Variants in PARD3B observed in about 807,000 individuals in gnomAD.
PARD3B encodes the protein partitioning defective 3 homolog B.
In PARD3B, 103 loss-of-function variants were observed where a neutral mutation model predicts 130.2. That is an observed-to-expected ratio of 0.79 (90% CI 0.67 to 0.93). The LOEUF (loss-of-function observed/expected upper bound fraction) is 0.93. Ranked by LOEUF, PARD3B falls within the 40% of genes least tolerant of loss-of-function variation. PARD3B has a pLI of 0.00. For synonymous variants in PARD3B, 583 were observed against 553.2 expected, an observed-to-expected ratio of 1.05 and a Z score of -0.76; for missense variants, 1,609 against 1,499.2, an observed-to-expected ratio of 1.07 and a Z score of -1.21.
Position 205,568,340 on chromosome 2 carries a change from T to C in PARD3B, c.3260+14937T>C, listed in dbSNP as rs1359061299. Among the ~76,000 whole-genome samples the C allele has an allele frequency of 1.3e-5, 2 of 152,204 alleles. No homozygotes were observed. Among genetic ancestry groups the C allele is most frequent in the Non-Finnish European group, 2.9e-5 (2 of 68,034 alleles). ...TTGTACGGAACACAGTGAATGCCAA[T>C]AGCACCAACAGAGCAACCCAAGAGA... On this transcript the variant is annotated intron_variant, in intron 22 of 22. Transcript: ENST00000406610. The surrounding 1 kb of genome is among the most constrained non-coding windows in gnomAD (Gnocchi z 5.3).
intron 11 of PARD3B, among the ~76,000 whole-genome samples, chr2:205,163,280 G>A (rs1407293457): frequency 6.6e-6 from 1 of 152,138 alleles, no homozygotes; most frequent in Non-Finnish European, 1.5e-5. Context: ...TTGTTTAGGG[G>A]CTGCTAAATA....
rs1469594803 is a variant in PARD3B at position 205,321,536 on chromosome 2, A to G, written c.2630+19835A>G. Among the ~76,000 whole-genome samples the G allele has an allele frequency of 3.3e-5, 5 of 151,890 alleles. No individual in the cohort carries two copies. The highest frequency in any genetic ancestry group is 3.3e-4 in the Admixed American group (5 of 15,242). On this transcript the variant is annotated intron_variant, in intron 18 of 22. Transcript: ENST00000406610. The surrounding 1 kb of genome is among the most constrained non-coding windows in gnomAD (Gnocchi z 4.2). The stretch of plus-strand genomic sequence containing the variant: ...TGTATATGCACAAATGCAGGCATGC[A>G]TGCATTTTTCTCTTAATAACTTAAC...
chr2:205,356,885 T>G (rs1400957192), intron 18 of PARD3B, among the ~76,000 whole-genome samples: 2 of 95,844 alleles, frequency 2.1e-5, no homozygotes, highest in Non-Finnish European at 4.9e-5. Flanking sequence ...AGCAAGACTC[T>G]GTCTCAAAAA....
At chr2:205,210,087 C>G (rs2125846204) in intron 15 of PARD3B, among the ~76,000 whole-genome samples, 1 of 151,970 alleles carries the variant, frequency 6.6e-6, no homozygotes, top group East Asian at 1.9e-4. Flanking sequence ...AAAACAGGGC[C>G]AGTCATGGTG....
chr2:204,691,635 T>C (rs1336213658), intron 2 of PARD3B, among the ~76,000 whole-genome samples: 1 of 152,110 alleles, frequency 6.6e-6, no homozygotes, highest in African/African-American at 2.4e-5. Context: ...ATATAAAATT[T>C]TAAGTATAGT....
chr2:204,895,156 A>G (rs2046596149), intron 2 of PARD3B, among the ~76,000 whole-genome samples: 1 of 152,118 alleles, frequency 6.6e-6, no homozygotes, highest in African/African-American at 2.4e-5. Context: ...CTGTTTAAAA[A>G]TAGAACCTAC....
intron 21 of PARD3B, among the ~76,000 whole-genome samples, chr2:205,514,008 C>T (rs1051035746): frequency 1.6e-4 from 25 of 152,028 alleles, no homozygotes; most frequent in African/African-American, 6.0e-4. Flanking sequence ...TAAACAATTG[C>T]CCTTTGTAAT....
At position 204,623,095 on chromosome 2, in the gene PARD3B, A is replaced by T. The variant is rs1412469299; in HGVS notation, c.121-63086A>T. Among the ~76,000 whole-genome samples, 2 of 152,152 alleles carry T rather than the reference A, an allele frequency of 1.3e-5. No homozygotes were observed. The highest frequency in any genetic ancestry group is 4.8e-5 in the African/African-American group (2 of 41,464). On this transcript the variant is annotated intron_variant, in intron 1 of 22. Coordinates refer to ENST00000406610, the MANE Select transcript of PARD3B (RefSeq NM_001302769.2). The surrounding 1 kb of genome is among the most constrained non-coding windows in gnomAD (Gnocchi z 4.5). ...TTAGTGAGCATTCTTTTTGTGTAAT[A>T]GTAGTTTTTGGCTGTATCCTTAGCC...
At chr2:205,139,526 A>C (rs1301118862) in intron 10 of PARD3B, among the ~76,000 whole-genome samples, 2 of 152,204 alleles carry the variant, frequency 1.3e-5, no homozygotes, top group Non-Finnish European at 2.9e-5. Flanking sequence ...GTTGCAAATA[A>C]ATTATATAAA....
intron 3 of PARD3B, among the ~76,000 whole-genome samples, chr2:205,012,569 C>T (rs1301956612): frequency 6.6e-6 from 1 of 152,156 alleles, no homozygotes; most frequent in Non-Finnish European, 1.5e-5. Flanking sequence ...CAGTAGTATA[C>T]TGTCTAGGGA....
At chr2:204,760,093 A>T (rs1262355006) in intron 2 of PARD3B, among the ~76,000 whole-genome samples, 1 of 152,102 alleles carries the variant, frequency 6.6e-6, no homozygotes, top group Non-Finnish European at 1.5e-5. Flanking sequence ...GTAGCCAAAT[A>T]GTCTAACAGG....
intron 3 of PARD3B, among the ~76,000 whole-genome samples, chr2:205,029,657 C>A (rs1697288773): frequency 6.6e-6 from 1 of 152,118 alleles, no homozygotes; most frequent in Admixed American, 6.6e-5. Context: ...TTGTGTTATG[C>A]ATTAGTATGT....
intron 3 of PARD3B, among the ~76,000 whole-genome samples, chr2:204,977,819 A>C (rs1430895470): frequency 6.7e-6 from 1 of 150,302 alleles, no homozygotes; most frequent in East Asian, 1.9e-4. Flanking sequence ...CTCAAAAAAA[A>C]AAAAAAAAAA....
At chr2:204,921,804 A>G (rs1455153039) in intron 2 of PARD3B, among the ~76,000 whole-genome samples, 1 of 152,112 alleles carries the variant, frequency 6.6e-6, no homozygotes, top group Non-Finnish European at 1.5e-5. Flanking sequence ...AAGAGATATC[A>G]AATAGGGGAC....
At chr2:204,672,967 AAG>A (rs1176460055) in intron 1 of PARD3B, among the ~76,000 whole-genome samples, 1 of 152,214 alleles carries the variant, frequency 6.6e-6, no homozygotes, top group East Asian at 1.9e-4. Flanking sequence ...GTTGTCAAGA[AAG>A]AAAATATATG....
intron 20 of PARD3B, among the ~76,000 whole-genome samples, chr2:205,490,130 T>TAC (rs2049636658): frequency 6.6e-6 from 1 of 152,152 alleles, no homozygotes; most frequent in South Asian, 2.1e-4. Flanking sequence ...TATATATATA[T>TAC]ACTTTAAGTT....
At chr2:204,653,663 C>T (rs1028068441) in intron 1 of PARD3B, among the ~76,000 whole-genome samples, 7 of 150,200 alleles carry the variant, frequency 4.7e-5, no homozygotes, top group African/African-American at 1.0e-4. Flanking sequence ...TGGTAGCGGG[C>T]GCCTGTAGTC....
At chr2:204,738,499 C>T (rs1017283257) in intron 2 of PARD3B, among the ~76,000 whole-genome samples, 8 of 152,094 alleles carry the variant, frequency 5.3e-5, no homozygotes, top group African/African-American at 1.9e-4. Flanking sequence ...AATAAATTAC[C>T]ACATAGCTTC....
At chr2:204,857,273 T>A (rs1291740215) in intron 2 of PARD3B, among the ~76,000 whole-genome samples, 1 of 152,148 alleles carries the variant, frequency 6.6e-6, no homozygotes, top group Non-Finnish European at 1.5e-5. Context: ...CAGCATACAT[T>A]TTAGGGGAGA....
Sources: gnomAD v4.1 joint callset for allele counts (sites outside exome capture counted in the v4.1 genomes callset) on GRCh38, gnomAD v4.1.1 for gene constraint, Gnocchi (gnomAD v3.1) non-coding constraint, MANE v1.5 for transcripts, NCBI Gene and HGNC (gene_info 2026-07-23, HGNC 2026-07-21) for gene names.